The following PDE4D variants were observed in gnomAD, a reference collection of about 807,000 sequenced individuals.
The protein encoded by PDE4D is phosphodiesterase 4D.
In PDE4D, 24 loss-of-function variants were observed where a neutral mutation model predicts 87.4. That is an observed-to-expected ratio of 0.27 (90% CI 0.20 to 0.39). The LOEUF is 0.39. Among genes scored for constraint, PDE4D ranks in the 10% least tolerant of loss-of-function variants. The pLI is 1.00. For synonymous variants in PDE4D, 384 were observed against 383.2 expected (o/e 1.00, Z -0.02); for missense variants, 714 against 1,041.0 (o/e 0.69, Z 4.32).
At chr5:59,633,807 A>G (rs1233653320) in intron 1 of PDE4D, among the ~76,000 whole-genome samples, 1 of 152,238 alleles carries the variant, frequency 6.6e-6, no homozygotes, top group Non-Finnish European at 1.5e-5. Context: ...AAGACCGCTG[A>G]CACTATGAAG....
At chr5:59,001,871 G>T (rs957288562) in intron 6 of PDE4D, among the ~76,000 whole-genome samples, 2 of 152,144 alleles carry the variant, frequency 1.3e-5, no homozygotes, top group Admixed American at 1.3e-4. Flanking sequence ...TGGAATCTAT[G>T]ACTCTTTCCT....
At chr5:60,470,742 T>A (rs1041132312) in intron 1 of PDE4D, among the ~76,000 whole-genome samples, 4 of 152,122 alleles carry the variant, frequency 2.6e-5, no homozygotes, top group African/African-American at 9.7e-5. Context: ...TAATTATGGT[T>A]TACCGAATTT....
At chr5:59,183,162 G>A (rs1742051730) in intron 4 of PDE4D, among the ~76,000 whole-genome samples, 1 of 152,168 alleles carries the variant, frequency 6.6e-6, no homozygotes, top group African/African-American at 2.4e-5. Flanking sequence ...CTACTATTCT[G>A]ATACCCAAAG....
At chr5:59,704,754 G>A (rs1364830322) in intron 1 of PDE4D, among the ~76,000 whole-genome samples, 1 of 152,178 alleles carries the variant, frequency 6.6e-6, no homozygotes, top group African/African-American at 2.4e-5. Flanking sequence ...GCATTCAGTA[G>A]GGTCCAAGTC....
At chr5:60,287,139 G>A (rs559622732) in intron 1 of PDE4D, among the ~76,000 whole-genome samples, 148 of 152,226 alleles carry the variant, frequency 9.7e-4, no homozygotes, top group African/African-American at 3.4e-3. Flanking sequence ...GTGTGTCCAA[G>A]GCACTACTCT....
chr5:60,460,704 T>C, intron 1 of PDE4D: 1 of 890,952 alleles, frequency 1.1e-6, no homozygotes, highest in Non-Finnish European at 1.8e-6. Context: ...GTTTCTTCTT[T>C]TGAGGCAGGA....
chr5:60,474,673 C>T (rs746497120), intron 1 of PDE4D, among the ~76,000 whole-genome samples: 10 of 152,222 alleles, frequency 6.6e-5, no homozygotes, highest in Non-Finnish European at 1.2e-4. Context: ...TGGCAATGAG[C>T]TTCACTAAAC....
intron 2 of PDE4D, among the ~76,000 whole-genome samples, chr5:60,126,943 T>C (rs1049139708): frequency 6.6e-6 from 1 of 152,296 alleles, no homozygotes; most frequent in African/African-American, 2.4e-5. Flanking sequence ...ATCTGATAAG[T>C]ACAGTGAAAG....
intron 1 of PDE4D, among the ~76,000 whole-genome samples, chr5:60,454,888 G>A (rs551873118): frequency 2.8e-4 from 43 of 152,068 alleles, no homozygotes; most frequent in African/African-American, 9.9e-4. Context: ...ATACATGAGC[G>A]GGGAGTGTAA....
At chr5:60,319,427 C>T (rs1755979454) in intron 1 of PDE4D, among the ~76,000 whole-genome samples, 2 of 152,130 alleles carry the variant, frequency 1.3e-5, no homozygotes, top group African/African-American at 4.8e-5. Flanking sequence ...GCCATGGCTT[C>T]GAACTTCCTC....
At chr5:59,187,563 T>C (rs974784116) in intron 3 of PDE4D, among the ~76,000 whole-genome samples, 20 of 152,210 alleles carry the variant, frequency 1.3e-4, no homozygotes, top group Admixed American at 3.9e-4. Flanking sequence ...TATTCCCTTA[T>C]ATATATGAAA....
intron 1 of PDE4D, among the ~76,000 whole-genome samples, chr5:60,376,772 C>T (rs1222599563): frequency 2.0e-5 from 3 of 152,152 alleles, no homozygotes; most frequent in African/African-American, 7.2e-5. Flanking sequence ...CCACTTGTCC[C>T]AGGCCTTAGC....
At chr5:59,595,747 T>C (rs1261534998) in intron 1 of PDE4D, among the ~76,000 whole-genome samples, 1 of 152,264 alleles carries the variant, frequency 6.6e-6, no homozygotes, top group South Asian at 2.1e-4. Flanking sequence ...CTCTGGATGT[T>C]TCTATTCTTA....
chr5:60,189,153 AGAAG>A (rs1785016540), intron 1 of PDE4D, among the ~76,000 whole-genome samples: 2 of 152,254 alleles, frequency 1.3e-5, no homozygotes, highest in African/African-American at 4.8e-5. Flanking sequence ...TTAATTAGAA[AGAAG>A]GAAGAGTCAG....
chr5:59,497,125 T>C (rs1248251330), intron 1 of PDE4D, among the ~76,000 whole-genome samples: 1 of 151,928 alleles, frequency 6.6e-6, no homozygotes, highest in Non-Finnish European at 1.5e-5. Flanking sequence ...GATCCACCCA[T>C]ACACATTTTA....
At chr5:59,829,452 G>C (rs930237333) in intron 1 of PDE4D, among the ~76,000 whole-genome samples, 10 of 152,090 alleles carry the variant, frequency 6.6e-5, no homozygotes, top group Non-Finnish European at 1.3e-4. Context: ...GCAGCCAGCT[G>C]TGTGGGGGGC....
chr5:59,206,087 C>G (rs894697537), intron 2 of PDE4D, among the ~76,000 whole-genome samples: 1 of 152,104 alleles, frequency 6.6e-6, no homozygotes, highest in Non-Finnish European at 1.5e-5. Flanking sequence ...TTTTTCTTGA[C>G]CCAAGGTTAG....
chr5:59,892,896 CCACACACACA>C (rs70975348), intron 1 of PDE4D, among the ~76,000 whole-genome samples: 2,707 of 143,914 alleles, frequency 0.019, 35 homozygotes, highest in African/African-American at 0.028. Flanking sequence ...AGCGCGCGCA[CCACACACACA>C]CACACACACA....
At chr5:59,347,412 C>T (rs1049588027) in intron 1 of PDE4D, among the ~76,000 whole-genome samples, 6 of 152,132 alleles carry the variant, frequency 3.9e-5, no homozygotes, top group African/African-American at 1.2e-4. Context: ...AGAAAAGTTT[C>T]GTCCAGCTAG....
Sources: allele counts gnomAD v4.1 joint callset (sites outside exome capture counted in the v4.1 genomes callset), GRCh38; gene constraint gnomAD v4.1.1; transcripts MANE v1.5; gene names NCBI Gene and HGNC (gene_info 2026-07-23, HGNC 2026-07-21).